ZNF804A: variants seen among roughly 807,000 people sequenced by gnomAD.
ZNF804A encodes zinc finger protein 804A.
In ZNF804A, 2 loss-of-function variants were observed where a neutral mutation model predicts 16.5. That is an observed-to-expected ratio of 0.12 (90% CI 0.05 to 0.38). The LOEUF (loss-of-function observed/expected upper bound fraction) is 0.38, where lower values mean the gene tolerates loss of function less well. Among genes scored for constraint, ZNF804A ranks in the 10% least tolerant of loss-of-function variants. ZNF804A has a pLI of 0.99. For synonymous variants in ZNF804A, 534 were observed against 489.6 expected (o/e 1.09, Z -1.20); for missense variants, 1,473 against 1,390.7 (o/e 1.06, Z -0.94).
intron 1 of ZNF804A, among the ~76,000 whole-genome samples, chr2:184,843,587 T>G (rs956180985): frequency 6.6e-6 from 1 of 152,064 alleles, no homozygotes; most frequent in African/African-American, 2.4e-5. Context: ...CCATCAACCT[T>G]TAGAGGAATT....
intron 2 of ZNF804A, among the ~76,000 whole-genome samples, chr2:184,879,528 A>G (rs1684773108): frequency 1.3e-5 from 2 of 152,050 alleles, no homozygotes; most frequent in Non-Finnish European, 2.9e-5. Flanking sequence ...GTGTTTACAG[A>G]AAAAGTCTTC....
At chr2:184,776,940 A>G (rs1381658355) in intron 1 of ZNF804A, among the ~76,000 whole-genome samples, 4 of 151,586 alleles carry the variant, frequency 2.6e-5, no homozygotes, top group African/African-American at 4.8e-5. Flanking sequence ...TAAAAATTAT[A>G]TGTTAGCATG....
chr2:184,738,138 A>G (rs1024158362), intron 1 of ZNF804A, among the ~76,000 whole-genome samples: 5 of 152,036 alleles, frequency 3.3e-5, no homozygotes, highest in Non-Finnish European at 4.4e-5. Context: ...AAAAAAAAAA[A>G]AAAGAAAATA....
chr2:184,875,684 T>A (rs950716158), intron 2 of ZNF804A, among the ~76,000 whole-genome samples: 3 of 151,870 alleles, frequency 2.0e-5, no homozygotes, highest in South Asian at 2.1e-4. Context: ...TTTCAAACTT[T>A]CTAAGTGATT....
intron 2 of ZNF804A, among the ~76,000 whole-genome samples, chr2:184,889,508 A>T (rs1684948115): frequency 6.6e-6 from 1 of 151,988 alleles, no homozygotes; most frequent in South Asian, 2.1e-4. Flanking sequence ...ACTTGCCTGC[A>T]TGTTCTGCAC....
chr2:184,659,722 A>G (rs891692732), intron 1 of ZNF804A, among the ~76,000 whole-genome samples: 3 of 152,164 alleles, frequency 2.0e-5, no homozygotes, highest in Non-Finnish European at 1.5e-5. Context: ...ATGAATGAAT[A>G]TTTCCTGTAT....
intron 1 of ZNF804A, among the ~76,000 whole-genome samples, chr2:184,668,033 AC>A (rs1692278395): frequency 1.3e-5 from 2 of 151,816 alleles, no homozygotes. Context: ...TAAAAGGGCA[AC>A]AGAATCAACT....
At chr2:184,832,678 T>TC (rs1558975999) in intron 1 of ZNF804A, among the ~76,000 whole-genome samples, 1 of 141,608 alleles carries the variant, frequency 7.1e-6, no homozygotes, top group Admixed American at 7.1e-5. Flanking sequence ...ATCTTTTTCA[T>TC]CCCCCAAATA....
intron 1 of ZNF804A, among the ~76,000 whole-genome samples, chr2:184,824,071 G>A (rs897669482): frequency 3.3e-5 from 5 of 151,872 alleles, no homozygotes; most frequent in African/African-American, 1.2e-4. Flanking sequence ...AGATACGCCC[G>A]GAATGTTCTC....
intron 1 of ZNF804A, among the ~76,000 whole-genome samples, chr2:184,824,590 G>A (rs1460950403): frequency 6.6e-6 from 1 of 151,962 alleles, no homozygotes; most frequent in Non-Finnish European, 1.5e-5. Flanking sequence ...ATTATTTACT[G>A]TTCTTATTAC....
intron 1 of ZNF804A, among the ~76,000 whole-genome samples, chr2:184,622,828 C>A (rs1273296109): frequency 6.6e-6 from 1 of 151,932 alleles, no homozygotes; most frequent in Non-Finnish European, 1.5e-5. Context: ...AACCGGAATA[C>A]ATATTCTGCA....
intron 1 of ZNF804A, among the ~76,000 whole-genome samples, chr2:184,775,521 G>A (rs1478533507): frequency 6.6e-6 from 1 of 151,670 alleles, no homozygotes; most frequent in Non-Finnish European, 1.5e-5. Flanking sequence ...AGAGAAAACA[G>A]CGCTATCTTA....
At chr2:184,631,882 A>T (rs903122594) in intron 1 of ZNF804A, among the ~76,000 whole-genome samples, 12 of 152,190 alleles carry the variant, frequency 7.9e-5, no homozygotes, top group African/African-American at 2.9e-4. Flanking sequence ...TTGATGTAGG[A>T]CACTTGGATT....
chr2:184,669,703 A>G (rs1396523707), intron 1 of ZNF804A, among the ~76,000 whole-genome samples: 2 of 151,836 alleles, frequency 1.3e-5, no homozygotes, highest in African/African-American at 2.4e-5. Context: ...ATATCATTAA[A>G]CCATATGTCA....
intron 1 of ZNF804A, among the ~76,000 whole-genome samples, chr2:184,761,816 T>C (rs776464833): frequency 5.3e-5 from 8 of 152,162 alleles, no homozygotes; most frequent in Non-Finnish European, 1.2e-4. Context: ...TCATGTCTAT[T>C]AAATAGAACT....
intron 1 of ZNF804A, among the ~76,000 whole-genome samples, chr2:184,619,919 T>C (rs1691390713): frequency 1.3e-5 from 2 of 151,916 alleles, no homozygotes; most frequent in African/African-American, 4.8e-5. Context: ...AAAAACAATT[T>C]ATGATTAAAT....
intron 1 of ZNF804A, among the ~76,000 whole-genome samples, chr2:184,623,614 C>T (rs1691450846): frequency 6.6e-6 from 1 of 152,168 alleles, no homozygotes; most frequent in South Asian, 2.1e-4. Context: ...ATAAGTGACA[C>T]ATGTTGAATA....
At chr2:184,653,415 G>C (rs1057210355) in intron 1 of ZNF804A, among the ~76,000 whole-genome samples, 1 of 152,196 alleles carries the variant, frequency 6.6e-6, no homozygotes, top group Non-Finnish European at 1.5e-5. Context: ...ATCAGTTCTC[G>C]CCTCCTCAGA....
chr2:184,906,498 G>A (rs191814167), intron 2 of ZNF804A, among the ~76,000 whole-genome samples: 2 of 151,928 alleles, frequency 1.3e-5, no homozygotes, highest in East Asian at 1.9e-4. Context: ...ATGGGGTTTC[G>A]CCATATTGCC....
Sources: gnomAD v4.1 joint callset for allele counts (sites outside exome capture counted in the v4.1 genomes callset) on GRCh38, gnomAD v4.1.1 for gene constraint, MANE v1.5 for transcripts, NCBI Gene and HGNC (gene_info 2026-07-23, HGNC 2026-07-21) for gene names.